LRP2: variants seen among roughly 807,000 people sequenced by gnomAD.
The protein encoded by LRP2 is LDL receptor related protein 2.
LRP2 carries 172 observed loss-of-function variants against 531.0 expected under a neutral mutation model. The observed-to-expected ratio is 0.32, with a 90% CI of 0.29 to 0.37. The LOEUF is 0.37. Among genes scored for constraint, LRP2 ranks in the 10% least tolerant of loss-of-function variants. The probability of loss-of-function intolerance (pLI) is 1.00; values close to 1 mark genes in which losing one functional copy is unlikely to be tolerated. For missense variants in LRP2, 5,167 were observed against 5,868.3 expected, an observed-to-expected ratio of 0.88 and a Z score of 3.90; for synonymous variants, 1,992 against 2,027.6, an observed-to-expected ratio of 0.98 and a Z score of 0.47.
intron 1 of LRP2, among the ~76,000 whole-genome samples, chr2:169,323,684 G>GA (rs11382491): frequency 0.037 from 5,497 of 147,666 alleles, 160 homozygotes; most frequent in East Asian, 0.097. Flanking sequence ...CCCACAGGGA[G>GA]AAAAAAAAAA....
chr2:169,213,554 G>T, intron 36 of LRP2, 103 bp downstream of exon 36: 1 of 929,362 alleles, frequency 1.1e-6, no homozygotes, highest in Non-Finnish European at 1.8e-6. Flanking sequence ...TTGTATGCAC[G>T]TGTATGTACG....
chr2:169,313,380 T>A (rs1312709537), intron 3 of LRP2, among the ~76,000 whole-genome samples: 1 of 152,232 alleles, frequency 6.6e-6, no homozygotes, highest in African/African-American at 2.4e-5. Flanking sequence ...GATGTACAGA[T>A]GGGGTCTTGG....
intron 15 of LRP2, 29 bp from the exon 16 acceptor site, chr2:169,271,136 G>A: frequency 6.6e-7 from 1 of 1,518,528 alleles, no homozygotes; most frequent in African/African-American, 1.4e-5. Flanking sequence ...AGCACAGTCA[G>A]TCACAGCATG....
chr2:169,256,081 A>T (rs1690293526), intron 19 of LRP2, 25 bp downstream of exon 19: 1 of 1,611,138 alleles, frequency 6.2e-7, no homozygotes, highest in Non-Finnish European at 8.5e-7. Flanking sequence ...AAAACAATAC[A>T]TACTTTTATT....
In LRP2 at chr2:169,244,734, G is replaced by A. The variant is rs762542106; in HGVS notation, c.3389C>T (p.Thr1130Ile). Residue 1130 changes from threonine (T) to isoleucine (I), a missense_variant, in exon 22 of 79, where the codon ACA becomes ATA. By Grantham distance (89) the Thr-to-Ile change is moderately conservative. Transcript: ENST00000649046. ...QCISKNWVCD[T>I]DNDCGDGSDE... is the part of the protein sequence containing the mutation. ...AGATCCATCCCCACAATCATTGTCT[G>A]TGTCACAGACCCAGTTCTTTGAGAT... The A allele has an allele frequency of 3.1e-6, 5 of 1,614,120 alleles. No individual in the cohort carries two copies. Among genetic ancestry groups the A allele is most frequent in the South Asian group, 1.1e-5 (1 of 91,088 alleles).
At position 169,175,205 on chromosome 2, in the gene LRP2, G is replaced by A. The variant is rs771998836; in HGVS notation, c.10756C>T (p.Arg3586Cys). 3.1e-6 allele frequency: 5 copies of A among 1,613,942 alleles called. No homozygotes were observed. Among genetic ancestry groups the A allele is most frequent in the Non-Finnish European group, 4.2e-6 (5 of 1,180,010 alleles). ...QNCPDGSDED[R>C]LLCENHHCDS... ...CGACTCAACACACCACAAAGAAGACGGTCTTCATCAGACCCATCAGGGCAA... is the reference window on the plus strand; with the variant it reads ...CGACTCAACACACCACAAAGAAGACAGTCTTCATCAGACCCATCAGGGCAA... The change falls in exon 55 of 79, where the codon CGT (arginine) becomes TGT (cysteine). Residue 3586 changes from arginine (R) to cysteine (C), a missense_variant. Arg to Cys is a radical substitution (Grantham distance 180). Transcript: ENST00000649046.
Position 169,320,558 on chromosome 2 carries a change from G to A in LRP2, c.187+219C>T, listed in dbSNP as rs6709523. 2.0e-3 allele frequency among the ~76,000 whole-genome samples: 311 copies of A among 152,306 alleles called. 2 individuals carry two copies. Among genetic ancestry groups the A allele is most frequent in the African/African-American group, 7.3e-3 (303 of 41,558 alleles). ...GGATAAGGGTGAGATAGAAACTGAT[G>A]CTCTATCATCAATGTGAATTGAACC... On this transcript the variant is annotated intron_variant, in intron 2 of 78. Transcript: ENST00000649046.
At chr2:169,180,733 T>C (rs1195868047) in intron 52 of LRP2, among the ~76,000 whole-genome samples, 3 of 152,236 alleles carry the variant, frequency 2.0e-5, no homozygotes, top group Admixed American at 1.3e-4. Context: ...TGCTTCTGAG[T>C]GCAACAGGCT....
intron 16 of LRP2, among the ~76,000 whole-genome samples, chr2:169,262,096 A>C (rs565339155): frequency 1.3e-5 from 2 of 152,004 alleles, no homozygotes; most frequent in Non-Finnish European, 2.9e-5. Flanking sequence ...GGCATATCTC[A>C]AAATAATAAG....
At position 169,362,323 on chromosome 2, in the gene LRP2, T is replaced by C. The variant is rs777070747; in HGVS notation, c.77A>G (p.Gln26Arg). ...LVACLAPASG[Q>R]ECDSAHFRCG... The stretch of plus-strand genomic sequence containing the variant: ...AGAGGCTCTGGCTGGGCTCTTACCT[T>C]GGCCACTGGCCGGCGCTAGGCAGGC... Residue 26 changes from glutamine to arginine, a missense_variant and splice_region_variant, in exon 1 of 79, where the codon CAA becomes CGA. Coordinates refer to ENST00000649046, the MANE Select transcript of LRP2 (RefSeq NM_004525.3). 1.4e-5 allele frequency: 22 copies of C among 1,560,058 alleles called. No individual in the cohort carries two copies. Among genetic ancestry groups the C allele is most frequent in the Non-Finnish European group, 1.9e-5 (22 of 1,152,888 alleles).
intron 16 of LRP2, among the ~76,000 whole-genome samples, chr2:169,264,479 T>C (rs1007395540): frequency 3.3e-5 from 5 of 151,946 alleles, no homozygotes; most frequent in Non-Finnish European, 7.4e-5. Flanking sequence ...TGATTCTAAG[T>C]CCTCAAAAAA....
intron 3 of LRP2, among the ~76,000 whole-genome samples, chr2:169,317,582 G>A (rs1684797916): frequency 6.6e-6 from 1 of 152,162 alleles, no homozygotes; most frequent in Admixed American, 6.5e-5. Context: ...TTCTTATTAT[G>A]TGAGATAATA....
intron 4 of LRP2, among the ~76,000 whole-genome samples, chr2:169,302,971 A>G (rs1684322687): frequency 6.6e-6 from 1 of 152,100 alleles, no homozygotes; most frequent in Non-Finnish European, 1.5e-5. Flanking sequence ...TTTAGGTGTG[A>G]TAATGATATT....
At chr2:169,293,840 G>A (rs566447778) in intron 6 of LRP2, among the ~76,000 whole-genome samples, 2 of 152,240 alleles carry the variant, frequency 1.3e-5, no homozygotes, top group African/African-American at 4.8e-5. Context: ...TGGGTCATTT[G>A]AGAATCCAGT....
intron 37 of LRP2, among the ~76,000 whole-genome samples, chr2:169,210,445 C>T (rs544182926): frequency 1.4e-4 from 21 of 152,310 alleles, no homozygotes; most frequent in African/African-American, 5.1e-4. Context: ...ACTAACACAG[C>T]ATAACCTATA....
rs778633752 is a variant in LRP2 at position 169,238,195 on chromosome 2, T to C, written c.4402A>G (p.Ile1468Val). The C allele has an allele frequency of 6.2e-7, 1 of 1,614,108 alleles. No individual in the cohort carries two copies. The highest frequency in any genetic ancestry group is 8.5e-7 in the Non-Finnish European group (1 of 1,179,980). Reference protein sequence around the residue: ...IYSLVENGSYIVAVDFDSISG... With the variant: ...IYSLVENGSYVVAVDFDSISG... Reference sequence around the variant, plus strand: ...ATTGAATCAAAATCAACAGCTACAATGTAAGAACCATTCTCGACCAATGAA... The same window carrying C: ...ATTGAATCAAAATCAACAGCTACAACGTAAGAACCATTCTCGACCAATGAA... The change falls in exon 27 of 79, where the codon ATT becomes GTT. Residue 1468 changes from isoleucine to valine, a missense_variant. Physicochemically the swap from Ile to Val is conservative, Grantham distance 29. Transcript: ENST00000649046.
intron 69 of LRP2, 137 bp downstream of exon 69, chr2:169,146,601 TG>T (rs1467025044): frequency 1.1e-5 from 7 of 642,508 alleles, no homozygotes; most frequent in Non-Finnish European, 1.9e-5. Flanking sequence ...TGGGAGTTGG[TG>T]GGGGTGGAGG....
rs576560573 is a variant in LRP2, at chr2:169,283,106, T to C, written c.1043-105A>G. On this transcript the variant is annotated intron_variant, in intron 9 of 78. Transcript: ENST00000649046. ...ATGGCCAAGAATGTGGTGTTGCCCA[T>C]GTCTAAATAAACACCCTCTGGAATT... The C allele has an allele frequency of 6.0e-6, 7 of 1,164,122 alleles. No homozygotes were observed. In the East Asian group the frequency reaches 7.0e-5, roughly 12 times the overall value. 72.1% of individuals were successfully genotyped at this position (1,164,122 alleles called of 1,614,324 possible). A position where few individuals can be genotyped will look rare whatever the true frequency, so the allele number is the denominator to read the frequency against.
At position 169,220,566 on chromosome 2, in the gene LRP2, A is replaced by G. The variant is rs748201724; in HGVS notation, c.5539-3T>C. 1 of 1,591,910 alleles carries G rather than the reference A, an allele frequency of 6.3e-7. No homozygotes were observed. Among genetic ancestry groups the G allele is most frequent in the Non-Finnish European group, 8.6e-7 (1 of 1,160,828 alleles). ...ATATCTCCGTGGAGTGTCAAAACCT[A>G]TAGCATAAAATCACTTATTAGAACT... On this transcript the variant is annotated splice_polypyrimidine_tract_variant and splice_region_variant and intron_variant, in intron 33 of 78. Transcript: ENST00000649046.
Sources: gnomAD v4.1 joint callset for allele counts (sites outside exome capture counted in the v4.1 genomes callset) on GRCh38, gnomAD v4.1.1 for gene constraint, MANE v1.5 for transcripts, NCBI Gene and HGNC (gene_info 2026-07-23, HGNC 2026-07-21) for gene names.